EPB41: variants seen among roughly 807,000 people sequenced by gnomAD.
EPB41 encodes erythrocyte membrane protein band 4.1, also known as protein 4.1.
Under a neutral mutation model 108.0 loss-of-function variants are expected in EPB41, and 65 were observed. The observed-to-expected ratio is 0.60, with a 90% confidence interval of 0.49 to 0.74. The LOEUF is 0.74. EPB41 is among the 30% of genes least tolerant of loss of function. The pLI is 0.00. For missense variants in EPB41, 875 were observed against 1,037.0 expected, an observed-to-expected ratio of 0.84 and a Z score of 2.15; for synonymous variants, 336 against 358.9, an observed-to-expected ratio of 0.94 and a Z score of 0.72.
chr1:28,983,591 C>A (rs1043142804), intron 1 of EPB41, among the ~76,000 whole-genome samples: 2 of 152,188 alleles, frequency 1.3e-5, no homozygotes, highest in African/African-American at 4.8e-5. Context: ...CCACTCTCAA[C>A]TCCTTGTGGG....
chr1:29,001,360 A>G (rs2096289876), intron 4 of EPB41, among the ~76,000 whole-genome samples: 1 of 150,492 alleles, frequency 6.6e-6, no homozygotes, highest in African/African-American at 2.5e-5. Flanking sequence ...CTTAAGTCAC[A>G]GTTGTCTAGT....
intron 7 of EPB41, among the ~76,000 whole-genome samples, chr1:29,020,728 G>A (rs150783208): frequency 6.6e-6 from 1 of 152,048 alleles, no homozygotes; most frequent in African/African-American, 2.4e-5. Flanking sequence ...TGTGATCATA[G>A]CTCGCTGCAG....
At chr1:28,955,798 T>C (rs1269866495) in intron 1 of EPB41, among the ~76,000 whole-genome samples, 1 of 152,156 alleles carries the variant, frequency 6.6e-6, no homozygotes, top group Non-Finnish European at 1.5e-5. Context: ...GAATGGAGAA[T>C]AGGATCCACA....
chr1:28,897,845 G>T (rs2090881757), intron 1 of EPB41, among the ~76,000 whole-genome samples: 1 of 152,140 alleles, frequency 6.6e-6, no homozygotes, highest in Non-Finnish European at 1.5e-5. Context: ...ATTGAGAGCT[G>T]ATGGGCTAGG....
intron 7 of EPB41, among the ~76,000 whole-genome samples, chr1:29,028,261 G>A (rs2096747052): frequency 6.6e-6 from 1 of 152,164 alleles, no homozygotes; most frequent in South Asian, 2.1e-4. Context: ...GTATAGGGAA[G>A]ATTTTATCAT....
chr1:29,033,861 T>C (rs1638377690), intron 9 of EPB41, among the ~76,000 whole-genome samples: 1 of 152,206 alleles, frequency 6.6e-6, no homozygotes, highest in Non-Finnish European at 1.5e-5. Flanking sequence ...TCTGACTTCT[T>C]TTCTGCCACA....
chr1:28,957,747 G>A (rs12038732), intron 1 of EPB41, among the ~76,000 whole-genome samples: 19,291 of 151,946 alleles, frequency 0.13, 1,505 homozygotes, highest in East Asian at 0.37. Context: ...TTAAGAATTG[G>A]TCTTTAAAAA....
chr1:28,894,802 A>T (rs1036792007), intron 1 of EPB41, among the ~76,000 whole-genome samples: 1 of 152,142 alleles, frequency 6.6e-6, no homozygotes, highest in African/African-American at 2.4e-5. Context: ...GAGCCCACAC[A>T]GGGCCCCATT....
intron 1 of EPB41, among the ~76,000 whole-genome samples, chr1:28,888,435 A>G (rs539684291): frequency 1.3e-5 from 2 of 152,188 alleles, no homozygotes; most frequent in East Asian, 3.9e-4. Flanking sequence ...TGGGGAAGGG[A>G]TCTGCAGGAG....
intron 1 of EPB41, among the ~76,000 whole-genome samples, chr1:28,955,747 A>G (rs2094925995): frequency 6.6e-6 from 1 of 152,112 alleles, no homozygotes; most frequent in African/African-American, 2.4e-5. Flanking sequence ...TGAGTGAGAG[A>G]TGATGCTGGG....
At chr1:29,000,515 C>A (rs754555968) in intron 4 of EPB41, among the ~76,000 whole-genome samples, 84 of 152,230 alleles carry the variant, frequency 5.5e-4, no homozygotes, top group Non-Finnish European at 9.8e-4. Context: ...AAAGTACAAA[C>A]CTGGCTGTGT....
At chr1:28,951,529 T>A (rs2094721076) in intron 1 of EPB41, among the ~76,000 whole-genome samples, 1 of 152,082 alleles carries the variant, frequency 6.6e-6, no homozygotes, top group South Asian at 2.1e-4. Context: ...ACAGAAGTTG[T>A]CCAGGAAAAA....
chr1:29,045,991 TAAAAC>T (rs1210808096), intron 11 of EPB41, among the ~76,000 whole-genome samples: 1 of 151,662 alleles, frequency 6.6e-6, no homozygotes, highest in Non-Finnish European at 1.5e-5. Context: ...TAAAATAAAA[TAAAAC>T]AAAATAAAAT....
At chr1:28,924,825 C>G (rs2093346599) in intron 1 of EPB41, among the ~76,000 whole-genome samples, 1 of 152,164 alleles carries the variant, frequency 6.6e-6, no homozygotes, top group Non-Finnish European at 1.5e-5. Context: ...GGGACAGGGT[C>G]TTGCACTGTC....
chr1:29,105,845 T>G (rs1666981754), intron 17 of EPB41, among the ~76,000 whole-genome samples: 1 of 150,784 alleles, frequency 6.6e-6, no homozygotes, highest in Non-Finnish European at 1.5e-5. Flanking sequence ...GCCTCCTGGT[T>G]CAAGCGATCC....
intron 7 of EPB41, among the ~76,000 whole-genome samples, chr1:29,023,409 C>T (rs1249436093): frequency 2.0e-5 from 3 of 151,738 alleles, no homozygotes; most frequent in African/African-American, 4.9e-5. Context: ...AGCTCTTGAC[C>T]GGGCACAGTG....
At chr1:28,997,507 G>A (rs1387891115) in intron 4 of EPB41, among the ~76,000 whole-genome samples, 188 bp downstream of exon 4, 1 of 151,986 alleles carries the variant, frequency 6.6e-6, no homozygotes, top group Non-Finnish European at 1.5e-5. Context: ...GACCATTGCT[G>A]GTGTATTCTT....
intron 18 of EPB41, chr1:29,109,772 A>G: frequency 2.7e-6 from 1 of 371,294 alleles, no homozygotes; most frequent in Non-Finnish European, 5.2e-6. Context: ...GGTGGCCCAC[A>G]CCTGTAATCC....
At chr1:28,893,891 C>G (rs1298803845) in intron 1 of EPB41, 1 of 152,158 alleles carries the variant, frequency 6.6e-6, no homozygotes, top group African/African-American at 2.4e-5. Context: ...TAATGCATGT[C>G]CTGTGGCTCT....
Sources: allele counts gnomAD v4.1 joint callset (sites outside exome capture counted in the v4.1 genomes callset), GRCh38; gene constraint gnomAD v4.1.1; transcripts MANE v1.5; gene names NCBI Gene and HGNC (gene_info 2026-07-23, HGNC 2026-07-21).